OVOL1: variants seen among roughly 807,000 people sequenced by gnomAD.
OVOL1 encodes ovo like transcriptional repressor 1, also known as putative transcription factor Ovo-like 1.
Under a neutral mutation model 21.5 loss-of-function variants are expected in OVOL1, and 10 were observed. That is an observed-to-expected ratio of 0.46 (90% confidence interval 0.29 to 0.79). The LOEUF (loss-of-function observed/expected upper bound fraction) is 0.79, where lower values mean the gene tolerates loss of function less well. Ranked by LOEUF, OVOL1 falls within the 30% of genes least tolerant of loss-of-function variation. The pLI, the probability that OVOL1 is intolerant of heterozygous loss-of-function variation, is 0.10. For synonymous variants in OVOL1, 129 were observed against 150.3 expected (o/e 0.86, Z 1.03); for missense variants, 279 against 362.3 (o/e 0.77, Z 1.87).
intron 1 of OVOL1, among the ~76,000 whole-genome samples, chr11:65,791,799 A>G (rs1858023669): frequency 6.6e-6 from 1 of 152,222 alleles, no homozygotes; most frequent in African/African-American, 2.4e-5. Flanking sequence ...ATGAGTAGTC[A>G]TAGCGCCACC....
rs1360505534 is a variant in OVOL1, at chr11:65,794,634, T to C, written c.415T>C (p.Cys139Arg). The change falls in exon 3 of 4, where the codon TGT becomes CGT. Residue 139 changes from cysteine (C) to arginine (R), a missense_variant. Coordinates refer to ENST00000335987, the MANE Select transcript of OVOL1 (RefSeq NM_004561.4). ...GCGCATGCTGAACCGCCACATGAAG[T>C]GTCACAACGACGTCAAGAGGCACCT... ...YQRMLNRHMK[C>R]HNDVKRHLCT... 6.2e-7 allele frequency: 1 copy of C among 1,613,680 alleles called. No individual in the cohort carries two copies. The highest frequency in any genetic ancestry group is 1.1e-5 in the South Asian group (1 of 91,086).
rs987485573 is a variant in OVOL1, at chr11:65,788,975, G to A, written c.100+1502G>A. 5 of 985,502 alleles carry A rather than the reference G, an allele frequency of 5.1e-6. No individual in the cohort carries two copies. The African/African-American group carries it at 7.0e-5, about 14-fold the overall frequency. The allele number at this position is 985,502 out of a possible 1,614,324, so 61.0% of individuals were successfully genotyped here. ...GAGCCCCCTCCCCGCTCCGCCCTCC[G>A]CCCTCCACCCTCACCTGTGTTTGAC... is the stretch of plus-strand genomic sequence containing the variant. On this transcript the variant is annotated intron_variant, in intron 1 of 3. Coordinates refer to ENST00000335987, the MANE Select transcript of OVOL1 (RefSeq NM_004561.4).
chr11:65,787,479 G>A lies in OVOL1; in HGVS notation c.100+6G>A. 2 of 1,520,748 alleles carry A rather than the reference G, an allele frequency of 1.3e-6. No individual in the cohort carries two copies. The highest frequency in any genetic ancestry group is 1.8e-6 in the Non-Finnish European group (2 of 1,128,610). The allele number at this position is 1,520,748 out of a possible 1,614,324, so 94.2% of individuals were successfully genotyped here. A position where few individuals can be genotyped will look rare whatever the true frequency, so the allele number is the denominator to read the frequency against. Reference sequence around the variant, plus strand: ...CGGCGAGATCTACGTGCCAGGTGAGGCTCCAACCGCCCTCCGGCCTGGGGC... The same window carrying A: ...CGGCGAGATCTACGTGCCAGGTGAGACTCCAACCGCCCTCCGGCCTGGGGC... On this transcript the variant is annotated splice_donor_region_variant and intron_variant, in intron 1 of 3. Coordinates refer to ENST00000335987, the MANE Select transcript of OVOL1 (RefSeq NM_004561.4).
chr11:65,788,720 A>C (rs1458035129), intron 1 of OVOL1: 1 of 985,302 alleles, frequency 1.0e-6, no homozygotes, highest in Non-Finnish European at 1.2e-6. Flanking sequence ...GCTTAACCTG[A>C]TCTCAAGGGG....
At chr11:65,793,971 A>C in intron 1 of OVOL1, 60 bp from the exon 2 acceptor site, 1 of 1,439,622 alleles carries the variant, frequency 6.9e-7, no homozygotes, top group Non-Finnish European at 9.7e-7. Flanking sequence ...GGAAGTTTCC[A>C]GAAACCCGCT....
chr11:65,788,552 A>G (rs1324741889), intron 1 of OVOL1: 1 of 985,276 alleles, frequency 1.0e-6, no homozygotes, highest in Admixed American at 6.1e-5. Flanking sequence ...CAGGCCTTGT[A>G]GGAAAGTGGG....
chr11:65,787,257 A>G lies in OVOL1; in HGVS notation c.-117A>G, dbSNP rs1484158554. Reference sequence around the variant, plus strand: ...CTTCCCCGGAACGTGGGGGCGCCTTAGCGACTCCTTCCCTGTTGTGCCCCC... The same window carrying G: ...CTTCCCCGGAACGTGGGGGCGCCTTGGCGACTCCTTCCCTGTTGTGCCCCC... On this transcript the variant is annotated 5_prime_UTR_variant, in exon 1 of 4. Coordinates refer to ENST00000335987, the MANE Select transcript of OVOL1 (RefSeq NM_004561.4). 1.9e-5 allele frequency: 15 copies of G among 787,086 alleles called. No homozygotes were observed. The East Asian group carries it at 2.9e-4, about 15-fold the overall frequency. The allele number at this position is 787,086 out of a possible 1,614,324, so 48.8% of individuals were successfully genotyped here. A position where few individuals can be genotyped will look rare whatever the true frequency, so the allele number is the denominator to read the frequency against.
In OVOL1 at chr11:65,796,544, G is replaced by C. The variant is rs948098998; in HGVS notation, c.*1203G>C. On this transcript the variant is annotated 3_prime_UTR_variant, in exon 4 of 4. Coordinates refer to ENST00000335987, the MANE Select transcript of OVOL1 (RefSeq NM_004561.4). ...GTGGCAAAAAATGGGACAGAATGAT[G>C]ACCAGCACCTCAGAAACTTCCAGAG... 6.6e-6 allele frequency: 1 copy of C among 152,240 alleles called. No homozygotes were observed. Among genetic ancestry groups the C allele is most frequent in the Non-Finnish European group, 1.5e-5 (1 of 68,080 alleles). The allele number at this position is 152,240 out of a possible 1,614,324, so 9.4% of individuals were successfully genotyped here. A position where few individuals can be genotyped will look rare whatever the true frequency, so the allele number is the denominator to read the frequency against.
At chr11:65,792,559 C>G (rs1200773730) in intron 1 of OVOL1, 1 of 152,258 alleles carries the variant, frequency 6.6e-6, no homozygotes, top group African/African-American at 2.4e-5. Context: ...CAGACCCCGA[C>G]GACTTGAGCC....
At chr11:65,788,581 A>C (rs1857949793) in intron 1 of OVOL1, 1 of 984,916 alleles carries the variant, frequency 1.0e-6, no homozygotes, top group African/African-American at 1.7e-5. Context: ...GGCAGCAGTG[A>C]GGGGCCCCGT....
intron 1 of OVOL1, among the ~76,000 whole-genome samples, chr11:65,793,111 T>C (rs1858055604): frequency 6.6e-6 from 1 of 152,224 alleles, no homozygotes; most frequent in Admixed American, 6.5e-5. Flanking sequence ...AATATTAAGT[T>C]GAAAAATTTG....
At chr11:65,788,179 A>G (rs2135697907) in intron 1 of OVOL1, among the ~76,000 whole-genome samples, 1 of 152,170 alleles carries the variant, frequency 6.6e-6, no homozygotes, top group East Asian at 1.9e-4. Flanking sequence ...GGAGGGCACA[A>G]TTGCATGGAA....
At chr11:65,789,468 G>C (rs1857966778) in intron 1 of OVOL1, 1 of 155,550 alleles carries the variant, frequency 6.4e-6, no homozygotes, top group South Asian at 2.0e-4. Flanking sequence ...AGAAGATAGA[G>C]AACTTAATTT....
Position 65,797,122 on chromosome 11 carries a change from T to C in OVOL1, c.*1781T>C, listed in dbSNP as rs1423332150. 1 of 152,244 alleles carries C rather than the reference T, an allele frequency of 6.6e-6. No individual in the cohort carries two copies. The highest frequency in any genetic ancestry group is 1.5e-5 in the Non-Finnish European group (1 of 68,046). 9.4% of individuals were successfully genotyped at this position (152,244 alleles called of 1,614,324 possible). A position where few individuals can be genotyped will look rare whatever the true frequency, so the allele number is the denominator to read the frequency against. The stretch of plus-strand genomic sequence containing the variant: ...GTTTTTGTTTACATTTCTGTATCCC[T>C]GGGTTGACTGCCAATCCGAGGCCGT... On this transcript the variant is annotated 3_prime_UTR_variant, in exon 4 of 4. Coordinates refer to ENST00000335987, the MANE Select transcript of OVOL1 (RefSeq NM_004561.4).
At chr11:65,789,554 C>CCACG in intron 1 of OVOL1, 1 of 456,308 alleles carries the variant, frequency 2.2e-6, no homozygotes, top group Non-Finnish European at 2.9e-6. Context: ...TGTCCTCAGT[C>CCACG]CACGCTCGGG....
chr11:65,795,215 G>C lies in OVOL1; in HGVS notation c.678G>C (p.Glu226Asp), dbSNP rs368559363. Residue 226 changes from glutamate to aspartate, a missense_variant, in exon 4 of 4, where the codon GAG becomes GAC. Transcript: ENST00000335987. This position sits in a 1 kb window ranked among gnomAD's most constrained non-coding sequence, Gnocchi z 5.7. ...EECGCTSESQ[E>D]GHVLHLKEHH... ...GCGGCTGCACATCTGAGAGCCAGGAGGGCCACGTCCTGCACCTGAAGGAGC... is the reference window on the plus strand; with the variant it reads ...GCGGCTGCACATCTGAGAGCCAGGACGGCCACGTCCTGCACCTGAAGGAGC... 107 of 1,613,354 alleles carry C rather than the reference G, an allele frequency of 6.6e-5. No individual in the cohort carries two copies. The highest frequency in any genetic ancestry group is 8.4e-5 in the Non-Finnish European group (99 of 1,180,028).
intron 1 of OVOL1, chr11:65,788,541 C>G: frequency 2.0e-6 from 2 of 985,410 alleles, no homozygotes; most frequent in Non-Finnish European, 2.4e-6. Flanking sequence ...TGGCACCGCC[C>G]CAGGCCTTGT....
chr11:65,789,144 T>C (rs1265391539), intron 1 of OVOL1: 3 of 833,016 alleles, frequency 3.6e-6, no homozygotes, highest in South Asian at 5.5e-5. Flanking sequence ...TGTTGATTTT[T>C]ACAAAGGACA....
chr11:65,790,541 G>A (rs1170074283), intron 1 of OVOL1: 1 of 152,390 alleles, frequency 6.6e-6, no homozygotes, highest in African/African-American at 2.4e-5. Flanking sequence ...AAAGCTGAGA[G>A]TGAGCTTTGG....
Sources: gnomAD v4.1 joint callset for allele counts (sites outside exome capture counted in the v4.1 genomes callset) on GRCh38, gnomAD v4.1.1 for gene constraint, Gnocchi (gnomAD v3.1) non-coding constraint, MANE v1.5 for transcripts, NCBI Gene and HGNC (gene_info 2026-07-23, HGNC 2026-07-21) for gene names.